Variants in KTN1 observed in about 807,000 individuals in gnomAD.
KTN1 encodes the protein kinectin.
Under a neutral mutation model 222.5 loss-of-function variants are expected in KTN1, and 130 were observed. The observed-to-expected ratio is 0.58, with a 90% CI of 0.51 to 0.68. The LOEUF is 0.68. Among genes scored for constraint, KTN1 ranks in the 30% least tolerant of loss-of-function variants. KTN1 has a pLI of 0.00. For missense variants in KTN1, 1,508 were observed against 1,500.4 expected (o/e 1.01, Z -0.08); for synonymous variants, 512 against 496.3 (o/e 1.03, Z -0.42).
rs928502878 is a variant in KTN1, at chr14:55,637,726, A to T, written c.1717-53A>T. 3 of 1,271,380 alleles carry T rather than the reference A, an allele frequency of 2.4e-6. No individual in the cohort carries two copies. In the South Asian group the frequency reaches 3.7e-5, roughly 16 times the overall value. The allele number at this position is 1,271,380 out of a possible 1,614,324, so 78.8% of individuals were successfully genotyped here. ...CCTATAATACATTGTGTTCATATACATGGGGTTATTTATTAGCATGCTTTT... is the reference window on the plus strand; with the variant it reads ...CCTATAATACATTGTGTTCATATACTTGGGGTTATTTATTAGCATGCTTTT... On this transcript the variant is annotated intron_variant, in intron 11 of 43. Coordinates refer to ENST00000395314, the MANE Select transcript of KTN1 (RefSeq NM_001079521.2).
chr14:55,657,550 T>G (rs913329675), intron 29 of KTN1, among the ~76,000 whole-genome samples: 1 of 152,136 alleles, frequency 6.6e-6, no homozygotes, highest in Non-Finnish European at 1.5e-5. Flanking sequence ...GAAACTTTTA[T>G]GTACTCAAAT....
intron 21 of KTN1, among the ~76,000 whole-genome samples, chr14:55,649,162 A>C (rs1014696780): frequency 6.6e-6 from 1 of 152,152 alleles, no homozygotes; most frequent in African/African-American, 2.4e-5. Context: ...CCTGGCCTCA[A>C]GTGGTGCTCC....
chr14:55,580,280 G>T lies in KTN1; in HGVS notation c.-105G>T, dbSNP rs1275736172. 1 of 156,482 alleles carries T rather than the reference G, an allele frequency of 6.4e-6. No individual in the cohort carries two copies. Among genetic ancestry groups the T allele is most frequent in the Non-Finnish European group, 1.4e-5 (1 of 73,298 alleles). The allele number at this position is 156,482 out of a possible 1,614,324, so 9.7% of individuals were successfully genotyped here. A position where few individuals can be genotyped will look rare whatever the true frequency, so the allele number is the denominator to read the frequency against. The stretch of plus-strand genomic sequence containing the variant: ...CGGCGGCGGCGGCGGCGGCGGCGGC[G>T]CCTCGGAGCGGGCGGCCCGGGCTGT... On this transcript the variant is annotated 5_prime_UTR_variant, in exon 1 of 44. Transcript: ENST00000395314.
chr14:55,663,629 T>C (rs1595206141), intron 32 of KTN1: 1 of 219,716 alleles, frequency 4.6e-6, no homozygotes, highest in East Asian at 1.2e-4. Context: ...AATCTTCTAA[T>C]GTTCAATGTA....
At chr14:55,679,444 G>A (rs2046175782) in intron 42 of KTN1, 121 bp from the exon 43 acceptor site, 3 of 800,476 alleles carry the variant, frequency 3.7e-6, no homozygotes, top group Non-Finnish European at 5.8e-6. Context: ...TGATTTTCAT[G>A]TCATTGTTCA....
chr14:55,592,946 G>A (rs2034391921), intron 1 of KTN1, among the ~76,000 whole-genome samples: 1 of 151,940 alleles, frequency 6.6e-6, no homozygotes, highest in Non-Finnish European at 1.5e-5. Context: ...CTGTCTTGGA[G>A]GCTAAGTTTA....
intron 7 of KTN1, 26 bp downstream of exon 7, chr14:55,630,123 G>T: frequency 6.2e-7 from 1 of 1,602,822 alleles, no homozygotes; most frequent in Non-Finnish European, 8.5e-7. Context: ...TTGGAAACAA[G>T]ATGAAATGGT....
intron 41 of KTN1, among the ~76,000 whole-genome samples, 164 bp downstream of exon 41, chr14:55,676,082 G>A (rs370202144): frequency 1.2e-4 from 19 of 152,186 alleles, no homozygotes; most frequent in African/African-American, 3.1e-4. Flanking sequence ...GGAATGAAAC[G>A]TTTTGGCTTG....
intron 31 of KTN1, among the ~76,000 whole-genome samples, chr14:55,660,248 T>G (rs2043975105): frequency 6.6e-6 from 1 of 152,016 alleles, no homozygotes; most frequent in South Asian, 2.1e-4. Flanking sequence ...TGTGATGGCA[T>G]GCACCTGTGG....
intron 5 of KTN1, among the ~76,000 whole-genome samples, chr14:55,622,670 G>A (rs1193243224): frequency 6.6e-6 from 1 of 152,008 alleles, no homozygotes; most frequent in East Asian, 1.9e-4. Context: ...TCTTATACTA[G>A]TCTAGACCAT....
intron 1 of KTN1, among the ~76,000 whole-genome samples, chr14:55,580,756 G>C (rs1353904470): frequency 6.6e-6 from 1 of 152,170 alleles, no homozygotes; most frequent in Non-Finnish European, 1.5e-5. Flanking sequence ...GGGCCCCCGG[G>C]AGGGAAGGCG....
intron 43 of KTN1, 196 bp downstream of exon 43, chr14:55,679,881 A>C: frequency 1.7e-6 from 1 of 580,672 alleles, no homozygotes; most frequent in East Asian, 3.1e-5. Context: ...TGTAGCTTGG[A>C]GGGGTTATCT....
chr14:55,604,923 T>C (rs1275228471), intron 1 of KTN1, among the ~76,000 whole-genome samples: 1 of 152,198 alleles, frequency 6.6e-6, no homozygotes, highest in Non-Finnish European at 1.5e-5. Flanking sequence ...TTAGAATCCA[T>C]AGTAGCCTCT....
chr14:55,657,681 C>T (rs1277822580), intron 29 of KTN1, among the ~76,000 whole-genome samples: 1 of 151,996 alleles, frequency 6.6e-6, no homozygotes, highest in Non-Finnish European at 1.5e-5. Flanking sequence ...GAGGCTGAGA[C>T]AGGTGGATCT....
In KTN1 at chr14:55,641,763, A is replaced by G. The variant is rs1415913922; in HGVS notation, c.2172+3A>G. ...TACAGACTCTTGTTTCTGAACAGGT[A>G]AGGCTTTTCCTAAATTACAAAGTAG... On this transcript the variant is annotated splice_donor_region_variant and intron_variant, in intron 18 of 43. Coordinates refer to ENST00000395314, the MANE Select transcript of KTN1 (RefSeq NM_001079521.2). 1.3e-6 allele frequency: 2 copies of G among 1,543,772 alleles called. No individual in the cohort carries two copies. Among genetic ancestry groups the G allele is most frequent in the Admixed American group, 3.4e-5 (2 of 59,352 alleles).
Position 55,658,615 on chromosome 14 carries a change from G to C in KTN1, c.2961+1G>C. On this transcript the variant is annotated splice_donor_variant, in intron 30 of 43. Coordinates refer to ENST00000395314, the MANE Select transcript of KTN1 (RefSeq NM_001079521.2). LOFTEE classifies it high-confidence loss of function. Reference sequence around the variant, plus strand: ...GCTTAAACAACAAAACTACCAACAGGTAGGTATTATTAGATGTCTTGCCTT... The same window carrying C: ...GCTTAAACAACAAAACTACCAACAGCTAGGTATTATTAGATGTCTTGCCTT... 2 of 1,595,918 alleles carry C rather than the reference G, an allele frequency of 1.3e-6. No individual in the cohort carries two copies. The highest frequency in any genetic ancestry group is 1.7e-6 in the Non-Finnish European group (2 of 1,166,232).
intron 21 of KTN1, among the ~76,000 whole-genome samples, chr14:55,649,081 A>G (rs1009297737): frequency 6.6e-6 from 1 of 152,108 alleles, no homozygotes; most frequent in African/African-American, 2.4e-5. Flanking sequence ...CTCATGCCAC[A>G]ATGCTCGGCT....
intron 5 of KTN1, among the ~76,000 whole-genome samples, chr14:55,624,212 C>T (rs1211971751): frequency 6.6e-6 from 1 of 152,166 alleles, no homozygotes; most frequent in Non-Finnish European, 1.5e-5. Context: ...CTCCTTTTTC[C>T]TGCCAGAACT....
At chr14:55,646,598 TTTC>T (rs951238212) in intron 18 of KTN1, among the ~76,000 whole-genome samples, 17 of 151,110 alleles carry the variant, frequency 1.1e-4, no homozygotes, top group African/African-American at 3.9e-4. Context: ...TCTTCTTTTC[TTTC>T]TTTTTTTTTG....
Sources: gnomAD v4.1 joint callset for allele counts (sites outside exome capture counted in the v4.1 genomes callset) on GRCh38, gnomAD v4.1.1 for gene constraint, MANE v1.5 for transcripts, NCBI Gene and HGNC (gene_info 2026-07-23, HGNC 2026-07-21) for gene names.